Variants in AOX1 observed in about 807,000 individuals in gnomAD.
AOX1 encodes aldehyde oxidase 1.
AOX1 carries 153 observed loss-of-function variants against 169.5 expected under a neutral mutation model. That is an observed-to-expected ratio of 0.90 (90% CI 0.79 to 1.03). The LOEUF is 1.03. AOX1 is among the 50% of genes least tolerant of loss of function. AOX1 has a pLI of 0.00. For missense variants in AOX1, 1,656 were observed against 1,663.9 expected, an observed-to-expected ratio of 1.00 and a Z score of 0.08; for synonymous variants, 562 against 581.9, an observed-to-expected ratio of 0.97 and a Z score of 0.49.
chr2:200,611,618 G>A, intron 13 of AOX1, 125 bp downstream of exon 13: 2 of 668,496 alleles, frequency 3.0e-6, no homozygotes, highest in Non-Finnish European at 5.3e-6. Context: ...TCAACTTCAG[G>A]AAGTGGTATG....
intron 1 of AOX1, among the ~76,000 whole-genome samples, chr2:200,592,284 G>T (rs1386535995): frequency 2.0e-5 from 3 of 152,202 alleles, no homozygotes; most frequent in Non-Finnish European, 4.4e-5. Context: ...TGTTAGAATT[G>T]AGGGTGAGGC....
At chr2:200,614,798 A>G (rs1303049039) in intron 15 of AOX1, among the ~76,000 whole-genome samples, 1 of 152,162 alleles carries the variant, frequency 6.6e-6, no homozygotes, top group African/African-American at 2.4e-5. Flanking sequence ...GGGAGCAACT[A>G]GGAACCAGAA....
At chr2:200,640,244 G>C (rs1049281096) in intron 23 of AOX1, among the ~76,000 whole-genome samples, 4 of 152,196 alleles carry the variant, frequency 2.6e-5, no homozygotes, top group African/African-American at 9.6e-5. Context: ...ACTGAGAGGG[G>C]CCTACAGTCC....
At chr2:200,630,594 G>GGAAGGAAA (rs2035104028) in intron 20 of AOX1, among the ~76,000 whole-genome samples, 2 of 138,520 alleles carry the variant, frequency 1.4e-5, no homozygotes, top group Non-Finnish European at 3.1e-5. Context: ...AAGGAAGGAA[G>GGAAGGAAA]GAAGGAGGGG....
intron 12 of AOX1, among the ~76,000 whole-genome samples, chr2:200,611,166 C>G (rs185828364): frequency 6.6e-6 from 1 of 152,076 alleles, no homozygotes. Flanking sequence ...ATGTTTTTAT[C>G]GATGAGAAAG....
intron 29 of AOX1, among the ~76,000 whole-genome samples, chr2:200,660,650 G>C (rs2035802340): frequency 1.3e-5 from 2 of 152,182 alleles, no homozygotes; most frequent in South Asian, 4.1e-4. Flanking sequence ...TCAACTACCA[G>C]ATGTTGTGGA....
intron 26 of AOX1, among the ~76,000 whole-genome samples, chr2:200,655,520 A>G (rs1181567548): frequency 6.6e-6 from 1 of 152,184 alleles, no homozygotes; most frequent in African/African-American, 2.4e-5. Context: ...CATGGCTACT[A>G]TGCCTTCCTC....
rs532565660 is a variant in AOX1 at position 200,669,550 on chromosome 2, T to G, written c.3799-25T>G. On this transcript the variant is annotated intron_variant, in intron 33 of 34. Transcript: ENST00000374700. ...TACAGAGTGAGAGAGAGAGGTATAA[T>G]CTAGTTGGCATGCTTCCTTTCAAGG... 3.1e-6 allele frequency: 5 copies of G among 1,613,134 alleles called. 1 individual carries two copies. The East Asian group carries it at 1.1e-4, about 36-fold the overall frequency.
intron 18 of AOX1, among the ~76,000 whole-genome samples, chr2:200,621,456 A>G (rs1319466427): frequency 6.6e-6 from 1 of 152,170 alleles, no homozygotes; most frequent in African/African-American, 2.4e-5. Context: ...ATAAAAGATT[A>G]TTTGGTGTTT....
chr2:200,597,186 T>G (rs1011118162), intron 3 of AOX1, among the ~76,000 whole-genome samples: 9 of 152,198 alleles, frequency 5.9e-5, no homozygotes, highest in African/African-American at 2.2e-4. Flanking sequence ...CCTCTGACAC[T>G]CTGGCTGTGA....
downstream of AOX1, among the ~76,000 whole-genome samples, chr2:200,674,099 C>T (rs1374219041): frequency 1.3e-5 from 2 of 152,240 alleles, no homozygotes; most frequent in African/African-American, 2.4e-5. Context: ...GCAGGTACCC[C>T]AGACACAGTG....
Position 200,656,879 on chromosome 2 carries a change from TG to T in AOX1, c.3114del (p.Leu1039TrpfsTer17). 2 of 1,586,832 alleles carry T rather than the reference TG, an allele frequency of 1.3e-6. No individual in the cohort carries two copies. The highest frequency in any genetic ancestry group is 1.7e-6 in the Non-Finnish European group (2 of 1,165,946). ...ALVHIYLDGS[V>X]LVTHGGIEMG... ...GTTCACATTTATCTTGATGGCTCTG[TG>T]CTGGTCACTCACGGTGGAATTGAAA... On this transcript the variant is annotated frameshift_variant, in exon 27 of 35. Transcript: ENST00000374700. LOFTEE classifies it high-confidence loss of function.
chr2:200,599,208 G>A (rs1288541133), intron 4 of AOX1, among the ~76,000 whole-genome samples: 5 of 151,924 alleles, frequency 3.3e-5, no homozygotes, highest in Non-Finnish European at 1.5e-5. Context: ...GTGTAATTTG[G>A]TTTATTTCTC....
chr2:200,660,757 T>G (rs1182403990), intron 29 of AOX1, among the ~76,000 whole-genome samples: 1 of 152,154 alleles, frequency 6.6e-6, no homozygotes, highest in African/African-American at 2.4e-5. Flanking sequence ...GGAAATAACA[T>G]TTGAGGATCC....
intron 25 of AOX1, among the ~76,000 whole-genome samples, chr2:200,643,386 T>TAC (rs71405400): frequency 0.12 from 18,299 of 149,236 alleles, 1,255 homozygotes; most frequent in Non-Finnish European, 0.16. Flanking sequence ...TATATATATA[T>TAC]ACACACACAC....
At chr2:200,610,866 AT>A (rs2034622928) in intron 12 of AOX1, among the ~76,000 whole-genome samples, 1 of 151,984 alleles carries the variant, frequency 6.6e-6, no homozygotes, top group South Asian at 2.1e-4. Flanking sequence ...TTTTAAAAAA[AT>A]TTTTTAGATG....
intron 12 of AOX1, 60 bp downstream of exon 12, chr2:200,609,474 G>A (rs1187500308): frequency 7.2e-7 from 1 of 1,386,098 alleles, no homozygotes; most frequent in Non-Finnish European, 1.0e-6. Flanking sequence ...TTTTCTCTCT[G>A]GGGAGGCAGG....
At position 200,634,909 on chromosome 2, in the gene AOX1, T is replaced by C. The variant is rs1277377148; in HGVS notation, c.2340T>C (p.Tyr780=). 1 of 1,613,888 alleles carries C rather than the reference T, an allele frequency of 6.2e-7. No homozygotes were observed. Among genetic ancestry groups the C allele is most frequent in the East Asian group, 2.2e-5 (1 of 44,868 alleles). ...DVYVSTQFPK[Y]IQDIVASTLK... is the part of the protein sequence containing the mutation. ...ACGTGTCCACACAGTTTCCCAAATATATACAGGTAACATGGGGCCATTGTG... is the reference window on the plus strand; with the variant it reads ...ACGTGTCCACACAGTTTCCCAAATACATACAGGTAACATGGGGCCATTGTG... Residue 780 remains tyrosine, a synonymous_variant, in exon 21 of 35, where the codon TAT becomes TAC. Coordinates refer to ENST00000374700, the MANE Select transcript of AOX1 (RefSeq NM_001159.4).
intron 31 of AOX1, 82 bp from the exon 32 acceptor site, chr2:200,666,605 G>C (rs558104236): frequency 1.1e-6 from 1 of 939,752 alleles, no homozygotes; most frequent in Non-Finnish European, 1.5e-6. Context: ...ACCAAAGTCA[G>C]CCTGGCAGGA....
Sources: allele counts gnomAD v4.1 joint callset (sites outside exome capture counted in the v4.1 genomes callset), GRCh38; gene constraint gnomAD v4.1.1; transcripts MANE v1.5; gene names NCBI Gene and HGNC (gene_info 2026-07-23, HGNC 2026-07-21).